The following SCLT1 variants were observed in gnomAD, a reference collection of about 807,000 sequenced individuals.
SCLT1 encodes sodium channel and clathrin linker 1.
SCLT1 carries 78 observed loss-of-function variants against 112.8 expected under a neutral mutation model. The observed-to-expected ratio is 0.69, with a 90% CI of 0.58 to 0.83. The LOEUF is 0.83. Ranked by LOEUF, SCLT1 falls within the 40% of genes least tolerant of loss-of-function variation. The pLI is 0.00. For missense variants in SCLT1, 747 were observed against 770.4 expected (o/e 0.97, Z 0.36); for synonymous variants, 257 against 254.7 (o/e 1.01, Z -0.09).
intron 19 of SCLT1, among the ~76,000 whole-genome samples, chr4:128,890,478 A>G (rs998208016): frequency 2.0e-5 from 3 of 152,178 alleles, no homozygotes; most frequent in Non-Finnish European, 4.4e-5. Context: ...CACTATAGCT[A>G]CTACAGTAGA....
intron 8 of SCLT1, among the ~76,000 whole-genome samples, chr4:128,994,832 T>A (rs1225159513): frequency 6.6e-6 from 1 of 152,168 alleles, no homozygotes; most frequent in East Asian, 1.9e-4. Context: ...TTTAAGTACT[T>A]AGCTCATTTA....
At chr4:128,984,950 T>G (rs1488427719) in intron 9 of SCLT1, among the ~76,000 whole-genome samples, 4 of 152,162 alleles carry the variant, frequency 2.6e-5, no homozygotes, top group African/African-American at 9.7e-5. Flanking sequence ...CAAGCATATG[T>G]TTTATGCTAT....
At chr4:128,911,491 A>G (rs963072418) in intron 18 of SCLT1, among the ~76,000 whole-genome samples, 9 of 152,186 alleles carry the variant, frequency 5.9e-5, no homozygotes, top group Admixed American at 3.9e-4. Context: ...TACAAATTAA[A>G]CTTCAAACCA....
chr4:129,012,718 T>C (rs1433197971), intron 5 of SCLT1, among the ~76,000 whole-genome samples: 2 of 152,144 alleles, frequency 1.3e-5, no homozygotes, highest in Non-Finnish European at 2.9e-5. Context: ...TGGGTACATA[T>C]ATATTTAGGA....
intron 14 of SCLT1, among the ~76,000 whole-genome samples, chr4:128,950,149 C>G (rs1738595047): frequency 6.6e-6 from 1 of 152,198 alleles, no homozygotes; most frequent in East Asian, 1.9e-4. Context: ...AGTTGCTTAT[C>G]TAGGAGAGGG....
chr4:128,906,418 T>C (rs1419500172), intron 18 of SCLT1, among the ~76,000 whole-genome samples: 2 of 152,170 alleles, frequency 1.3e-5, no homozygotes, highest in Non-Finnish European at 2.9e-5. Flanking sequence ...CAGGATGGTC[T>C]TGATCTCCTG....
intron 12 of SCLT1, among the ~76,000 whole-genome samples, chr4:128,958,635 A>T (rs1282106481): frequency 6.6e-6 from 1 of 152,062 alleles, no homozygotes; most frequent in Non-Finnish European, 1.5e-5. Flanking sequence ...AGAGATAAAA[A>T]TTTTTTCTTG....
intron 11 of SCLT1, among the ~76,000 whole-genome samples, chr4:128,961,654 T>G (rs1442385230): frequency 6.6e-6 from 1 of 152,216 alleles, no homozygotes; most frequent in East Asian, 1.9e-4. Flanking sequence ...GATTAAGTTC[T>G]TATCTGTCTA....
chr4:129,038,449 G>A (rs942952724), intron 5 of SCLT1, among the ~76,000 whole-genome samples: 3 of 152,026 alleles, frequency 2.0e-5, no homozygotes, highest in Admixed American at 6.6e-5. Flanking sequence ...AGATGATACC[G>A]TTTTTATACA....
intron 18 of SCLT1, among the ~76,000 whole-genome samples, chr4:128,928,692 C>T (rs1306950970): frequency 1.3e-5 from 2 of 151,962 alleles, no homozygotes; most frequent in African/African-American, 2.4e-5. Flanking sequence ...ACTAACCAGG[C>T]GTGGTGGTGC....
At chr4:128,939,899 T>G (rs1737534944) in intron 17 of SCLT1, among the ~76,000 whole-genome samples, 1 of 152,174 alleles carries the variant, frequency 6.6e-6, no homozygotes, top group Non-Finnish European at 1.5e-5. Context: ...AGGTTCCTAT[T>G]TTGTCAAAGA....
At position 128,907,214 on chromosome 4, in the gene SCLT1, G is replaced by T. The variant is rs181206316; in HGVS notation, c.1830-16077C>A. On this transcript the variant is annotated intron_variant, in intron 18 of 20. Transcript: ENST00000281142. ...CAAAGAACCTTATAAGTCGTAACAG[G>T]AAATTGGCACTGAAGTATTTTAAGA... Among the ~76,000 whole-genome samples the T allele has an allele frequency of 2.5e-4, 38 of 152,310 alleles. 1 individual carries two copies. In the East Asian group the frequency reaches 7.1e-3, roughly 29 times the overall value.
intron 2 of SCLT1, among the ~76,000 whole-genome samples, chr4:129,055,412 A>G (rs1749265868): frequency 6.6e-6 from 1 of 152,186 alleles, no homozygotes; most frequent in Non-Finnish European, 1.5e-5. Context: ...GCTCTGTCCC[A>G]GGGGGATGGG....
intron 2 of SCLT1, among the ~76,000 whole-genome samples, chr4:129,078,141 C>T (rs1037354359): frequency 6.6e-5 from 10 of 152,196 alleles, no homozygotes; most frequent in Admixed American, 3.3e-4. Flanking sequence ...GAATGGTTAG[C>T]TTCACAAAAG....
chr4:128,984,640 T>A (rs903832167), intron 9 of SCLT1, among the ~76,000 whole-genome samples: 3 of 152,148 alleles, frequency 2.0e-5, no homozygotes, highest in Non-Finnish European at 4.4e-5. Flanking sequence ...TATGAACCAG[T>A]TTCCTTACTC....
At chr4:128,962,626 G>A (rs970110692) in intron 11 of SCLT1, among the ~76,000 whole-genome samples, 1 of 151,968 alleles carries the variant, frequency 6.6e-6, no homozygotes, top group Non-Finnish European at 1.5e-5. Context: ...CCCTGCTCTC[G>A]CATATTCCAA....
At chr4:129,036,881 A>G (rs1251393924) in intron 5 of SCLT1, 1 of 151,902 alleles carries the variant, frequency 6.6e-6, no homozygotes, top group Non-Finnish European at 1.5e-5. Context: ...GTCAAACTTT[A>G]AAAGAGCCCA....
intron 2 of SCLT1, among the ~76,000 whole-genome samples, chr4:129,080,873 T>G (rs1281028046): frequency 6.6e-6 from 1 of 152,198 alleles, no homozygotes; most frequent in Admixed American, 6.5e-5. Flanking sequence ...TTCTGCAGTC[T>G]GTGGGAGAGA....
chr4:128,923,327 C>A (rs1736025308), intron 18 of SCLT1, among the ~76,000 whole-genome samples: 1 of 151,892 alleles, frequency 6.6e-6, no homozygotes, highest in Admixed American at 6.6e-5. Context: ...ATGCCTGTAT[C>A]CCAGCTACTT....
Sources: allele counts gnomAD v4.1 joint callset (sites outside exome capture counted in the v4.1 genomes callset), GRCh38; gene constraint gnomAD v4.1.1; transcripts MANE v1.5; gene names NCBI Gene and HGNC (gene_info 2026-07-23, HGNC 2026-07-21).